IMPG2: variants seen among roughly 807,000 people sequenced by gnomAD.
IMPG2 encodes the protein IPM 200.
Under a neutral mutation model 129.2 loss-of-function variants are expected in IMPG2, and 91 were observed. The ratio of observed to expected loss-of-function variants is 0.70; its 90% CI spans 0.59 to 0.84. The LOEUF (loss-of-function observed/expected upper bound fraction) is 0.84, where lower values mean the gene tolerates loss of function less well. Ranked by LOEUF, IMPG2 falls within the 40% of genes least tolerant of loss-of-function variation. The probability of loss-of-function intolerance (pLI) is 0.00; values close to 1 mark genes in which losing one functional copy is unlikely to be tolerated. For synonymous variants in IMPG2, 510 were observed against 517.7 expected, an observed-to-expected ratio of 0.99 and a Z score of 0.20; for missense variants, 1,430 against 1,461.7, an observed-to-expected ratio of 0.98 and a Z score of 0.35.
At chr3:101,304,855 T>TAAA (rs5851269) in intron 2 of IMPG2, among the ~76,000 whole-genome samples, 19 of 147,150 alleles carry the variant, frequency 1.3e-4, no homozygotes, top group African/African-American at 3.0e-4. Context: ...ATATTTCTGA[T>TAAA]AAAAAAAAAA....
chr3:101,284,163 G>A (rs911873519), intron 4 of IMPG2, among the ~76,000 whole-genome samples: 1 of 152,224 alleles, frequency 6.6e-6, no homozygotes, highest in Admixed American at 6.5e-5. Flanking sequence ...CAATAAAGTT[G>A]TCACCAATAG....
chr3:101,229,300 A>ACCCCCCCCCCCCACCCCCAGCTCC, intron 17 of IMPG2, 80 bp downstream of exon 17: 1 of 859,118 alleles, frequency 1.2e-6, no homozygotes, highest in Non-Finnish European at 1.9e-6. Context: ...ACTCATACAC[A>ACCCCCCCCCCCCACCCCCAGCTCC]CCCCCACCCA....
At chr3:101,284,667 T>C (rs939338289) in intron 4 of IMPG2, among the ~76,000 whole-genome samples, 1 of 152,148 alleles carries the variant, frequency 6.6e-6, no homozygotes, top group African/African-American at 2.4e-5. Flanking sequence ...AGACTCAAAA[T>C]CTGTGCCTAG....
intron 9 of IMPG2, among the ~76,000 whole-genome samples, chr3:101,265,126 C>A (rs969083868): frequency 1.3e-5 from 2 of 152,022 alleles, no homozygotes; most frequent in African/African-American, 4.8e-5. Flanking sequence ...CTACCCAAAG[C>A]AATCTACAGA....
intron 4 of IMPG2, among the ~76,000 whole-genome samples, chr3:101,278,865 A>T (rs1212625921): frequency 2.0e-5 from 3 of 152,188 alleles, no homozygotes; most frequent in Non-Finnish European, 4.4e-5. Flanking sequence ...ACCTAAAGGG[A>T]TATGACATCT....
intron 11 of IMPG2, among the ~76,000 whole-genome samples, chr3:101,250,918 A>G (rs1260119996): frequency 6.6e-6 from 1 of 152,208 alleles, no homozygotes. Flanking sequence ...AGGGGAAAGA[A>G]GGCCATTTGC....
At chr3:101,299,963 T>C (rs1215419214) in intron 3 of IMPG2, among the ~76,000 whole-genome samples, 2 of 152,190 alleles carry the variant, frequency 1.3e-5, no homozygotes, top group South Asian at 4.1e-4. Context: ...GGAAACCCAC[T>C]CATCTGGGTT....
chr3:101,241,033 C>G (rs1706401283), intron 14 of IMPG2, among the ~76,000 whole-genome samples: 2 of 152,226 alleles, frequency 1.3e-5, no homozygotes, highest in Admixed American at 1.3e-4. Flanking sequence ...TCATTTCACT[C>G]ATTCACAGTA....
intron 11 of IMPG2, among the ~76,000 whole-genome samples, chr3:101,248,807 C>T (rs1043774058): frequency 2.6e-5 from 4 of 152,136 alleles, no homozygotes; most frequent in Admixed American, 2.6e-4. Flanking sequence ...TCATTGGTTC[C>T]TATTTTAAGT....
In IMPG2 at chr3:101,244,377, C is replaced by T. The variant is rs1706449290; in HGVS notation, c.1954G>A (p.Val652Ile). Residue 652 changes from valine (V) to isoleucine (I), a missense_variant, in exon 13 of 19, where the codon GTT (valine) becomes ATT (isoleucine). Coordinates refer to ENST00000193391, the MANE Select transcript of IMPG2 (RefSeq NM_016247.4). ...TGGTCTGTGGAATCCATTTTGTCAA[C>T]TAAAACTAGTTTCTTGTCTTCAATC... ...AEIEDKKLVL[V>I]DKMDSTDQIS... 6.2e-7 allele frequency: 1 copy of T among 1,614,028 alleles called. No individual in the cohort carries two copies. The highest frequency in any genetic ancestry group is 1.1e-5 in the South Asian group (1 of 91,082).
rs903791371 is a variant in IMPG2, at chr3:101,293,389, GA to G, written c.502-1880del. On this transcript the variant is annotated intron_variant, in intron 3 of 18. Transcript: ENST00000193391. ...CATTGCCCATAAGCAGTGATACTTGGAAAAAAAAAATTTTCTGAGCAGTAGG... is the reference window on the plus strand; with the variant it reads ...CATTGCCCATAAGCAGTGATACTTGGAAAAAAAAATTTTCTGAGCAGTAGG... 5.3e-5 allele frequency among the ~76,000 whole-genome samples: 8 copies of G among 150,370 alleles called. No homozygotes were observed. The East Asian group carries it at 5.8e-4, about 11-fold the overall frequency.
chr3:101,229,323 C>G (rs2107203758), intron 17 of IMPG2, 57 bp downstream of exon 17: 8 of 804,618 alleles, frequency 9.9e-6, no homozygotes, highest in Non-Finnish European at 1.4e-5. Flanking sequence ...ACCCCCTGCT[C>G]CCCCACACAC....
chr3:101,311,179 TAA>T (rs34222157), intron 2 of IMPG2, among the ~76,000 whole-genome samples: 2 of 142,782 alleles, frequency 1.4e-5, no homozygotes, highest in African/African-American at 2.6e-5. Context: ...TACAACTAGG[TAA>T]AAAAAAAAAA....
chr3:101,297,521 C>T (rs1707093480), intron 3 of IMPG2, among the ~76,000 whole-genome samples: 1 of 152,168 alleles, frequency 6.6e-6, no homozygotes, highest in Admixed American at 6.5e-5. Context: ...TTCCTGCTTT[C>T]TCTTGTGGGC....
At chr3:101,281,821 T>G (rs1559652616) in intron 4 of IMPG2, among the ~76,000 whole-genome samples, 1 of 152,122 alleles carries the variant, frequency 6.6e-6, no homozygotes, top group Non-Finnish European at 1.5e-5. Context: ...GCCATTGCTG[T>G]CTTTGAAGAT....
chr3:101,274,875 A>G (rs1706824458), intron 6 of IMPG2, among the ~76,000 whole-genome samples: 1 of 152,182 alleles, frequency 6.6e-6, no homozygotes, highest in South Asian at 2.1e-4. Context: ...GGATAAAAGT[A>G]TTGATTCGGG....
chr3:101,241,873 C>A (rs964055687), intron 14 of IMPG2, among the ~76,000 whole-genome samples: 33 of 151,762 alleles, frequency 2.2e-4, no homozygotes, highest in Admixed American at 6.6e-5. Context: ...ACTAAAAATA[C>A]AAAAAATTAG....
chr3:101,299,982 TC>T (rs1553685514), intron 3 of IMPG2, among the ~76,000 whole-genome samples: 9 of 152,198 alleles, frequency 5.9e-5, no homozygotes, highest in Non-Finnish European at 1.3e-4. Flanking sequence ...TTGCCTAGAT[TC>T]CTCAGCACTA....
At chr3:101,236,735 C>T (rs1269028669) in intron 14 of IMPG2, among the ~76,000 whole-genome samples, 1 of 152,158 alleles carries the variant, frequency 6.6e-6, no homozygotes, top group Admixed American at 6.6e-5. Flanking sequence ...GTGCCTATAC[C>T]ACTAGGGCCC....
Sources: allele counts gnomAD v4.1 joint callset (sites outside exome capture counted in the v4.1 genomes callset), GRCh38; gene constraint gnomAD v4.1.1; transcripts MANE v1.5; gene names NCBI Gene and HGNC (gene_info 2026-07-23, HGNC 2026-07-21).